SHISA9: variants seen among roughly 807,000 people sequenced by gnomAD.
SHISA9 encodes the protein shisa family member 9.
Under a neutral mutation model 38.0 loss-of-function variants are expected in SHISA9, and 13 were observed. That is an observed-to-expected ratio of 0.34 (90% CI 0.22 to 0.54). The LOEUF is 0.54. SHISA9 is among the 20% of genes least tolerant of loss of function. The pLI, the probability that SHISA9 is intolerant of heterozygous loss-of-function variation, is 0.91. For synonymous variants in SHISA9, 275 were observed against 242.0 expected, an observed-to-expected ratio of 1.14 and a Z score of -1.27; for missense variants, 538 against 575.8, an observed-to-expected ratio of 0.93 and a Z score of 0.67.
At chr16:13,556,520 G>A in the SHISA9 span, among the ~76,000 whole-genome samples, 361 of 152,090 alleles carry the variant, frequency 2.4e-3, no homozygotes, top group Non-Finnish European at 3.7e-3. Context: ...AAAATTAGCC[G>A]GGCAAGGTGG....
At chr16:13,463,588 G>GA in the SHISA9 span, among the ~76,000 whole-genome samples, 1 of 152,130 alleles carries the variant, frequency 6.6e-6, no homozygotes, top group African/African-American at 2.4e-5. Flanking sequence ...CTAAAAGAAG[G>GA]AAAAAATAGC....
At chr16:13,196,087 CAAAAAAAAAA>C (rs1172680715) in intron 2 of SHISA9, among the ~76,000 whole-genome samples, 2 of 14,122 alleles carry the variant, frequency 1.4e-4, no homozygotes, top group Non-Finnish European at 2.3e-4. Context: ...GACTCTCTCT[CAAAAAAAAAA>C]AAAAAAAAAA....
chr16:12,956,525 T>G (rs1322153423), intron 2 of SHISA9, among the ~76,000 whole-genome samples: 1 of 152,212 alleles, frequency 6.6e-6, no homozygotes. Context: ...ATGTATACAC[T>G]GTGGACTGCT....
At chr16:13,248,318 G>A in the SHISA9 span, among the ~76,000 whole-genome samples, 16,403 of 152,144 alleles carry the variant, frequency 0.11, 904 homozygotes, top group Middle Eastern at 0.14. Flanking sequence ...CCATGGTGCC[G>A]GGCCTTGAGG....
intron 2 of SHISA9, among the ~76,000 whole-genome samples, chr16:13,063,381 A>AG (rs1434050383): frequency 1.3e-5 from 2 of 152,142 alleles, no homozygotes; most frequent in African/African-American, 4.8e-5. Context: ...AATGGAAAAA[A>AG]AAAACAAAAT....
chr16:13,030,635 G>C (rs1032396093), intron 2 of SHISA9, among the ~76,000 whole-genome samples: 1 of 152,164 alleles, frequency 6.6e-6, no homozygotes, highest in African/African-American at 2.4e-5. Context: ...ATGTTTTTCT[G>C]CTCTTGACTA....
At chr16:13,485,956 C>T in the SHISA9 span, among the ~76,000 whole-genome samples, 1 of 152,196 alleles carries the variant, frequency 6.6e-6, no homozygotes, top group African/African-American at 2.4e-5. Context: ...CATATTGCTG[C>T]AAATGACAGA....
the SHISA9 span, among the ~76,000 whole-genome samples, chr16:13,540,121 C>T: frequency 1.3e-5 from 2 of 152,036 alleles, no homozygotes; most frequent in African/African-American, 2.4e-5. Flanking sequence ...TACTTTCAGT[C>T]CAGTGCTTAA....
the SHISA9 span, among the ~76,000 whole-genome samples, chr16:13,382,399 A>T: frequency 1.3e-5 from 2 of 151,926 alleles, no homozygotes; most frequent in Non-Finnish European, 2.9e-5. Flanking sequence ...GTGGTGACGC[A>T]TGCCTGTAAT....
chr16:13,459,860 T>G, the SHISA9 span, among the ~76,000 whole-genome samples: 1 of 152,160 alleles, frequency 6.6e-6, no homozygotes, highest in Admixed American at 6.5e-5. Context: ...AAGAAACAAG[T>G]GTGTATGAGT....
the SHISA9 span, among the ~76,000 whole-genome samples, chr16:13,520,235 A>C: frequency 6.6e-6 from 1 of 152,200 alleles, no homozygotes; most frequent in African/African-American, 2.4e-5. Context: ...AACCTTGGTC[A>C]GTGAGCGCAC....
chr16:13,518,039 T>C, the SHISA9 span, among the ~76,000 whole-genome samples: 1 of 152,136 alleles, frequency 6.6e-6, no homozygotes, highest in Non-Finnish European at 1.5e-5. Flanking sequence ...GCCAGTCTGG[T>C]GAATTGCGCT....
In SHISA9 at chr16:13,013,031, T is replaced by C. The variant is rs117844624; in HGVS notation, c.691+96216T>C. Reference sequence around the variant, plus strand: ...GGACCTGCCTCTCCTGCTGCCTGTCTCTCTCTCTCTTCCTTTCTGAAGCTA... The same window carrying C: ...GGACCTGCCTCTCCTGCTGCCTGTCCCTCTCTCTCTTCCTTTCTGAAGCTA... On this transcript the variant is annotated intron_variant, in intron 2 of 4. Coordinates refer to ENST00000558583, the MANE Select transcript of SHISA9 (RefSeq NM_001145204.3). Among the ~76,000 whole-genome samples, 1,000 of 152,212 alleles carry C rather than the reference T, an allele frequency of 6.6e-3. 7 individuals are homozygous for C. Among genetic ancestry groups the C allele is most frequent in the Middle Eastern group, 0.02 (6 of 294 alleles).
chr16:13,534,702 A>G, the SHISA9 span, among the ~76,000 whole-genome samples: 1 of 152,174 alleles, frequency 6.6e-6, no homozygotes, highest in Non-Finnish European at 1.5e-5. Flanking sequence ...CTTCAGGGGA[A>G]ACTCTCCTTC....
At chr16:12,911,489 G>T in intron 1 of SHISA9, 1 of 700,820 alleles carries the variant, frequency 1.4e-6, no homozygotes, top group Non-Finnish European at 1.8e-6. Context: ...CATACGTAAG[G>T]ACAGAAATTT....
chr16:13,298,121 T>C, the SHISA9 span, among the ~76,000 whole-genome samples: 3 of 152,176 alleles, frequency 2.0e-5, no homozygotes, highest in Non-Finnish European at 4.4e-5. Context: ...AATACATTCT[T>C]GTGACCAATT....
the SHISA9 span, among the ~76,000 whole-genome samples, chr16:13,364,427 A>G: frequency 1.3e-5 from 2 of 152,252 alleles, no homozygotes; most frequent in South Asian, 2.1e-4. Context: ...TGCATTCAGC[A>G]TTCACTCAAC....
At chr16:13,478,659 A>G in the SHISA9 span, among the ~76,000 whole-genome samples, 63 of 152,368 alleles carry the variant, frequency 4.1e-4, no homozygotes, top group African/African-American at 1.4e-3. Context: ...AACATATTCC[A>G]TAAACCTTCA....
intron 2 of SHISA9, among the ~76,000 whole-genome samples, chr16:13,060,112 G>A (rs1318666673): frequency 1.3e-5 from 2 of 152,184 alleles, no homozygotes; most frequent in African/African-American, 4.8e-5. Flanking sequence ...ACAGTTAAGT[G>A]CAGGTGGCTC....
Sources: gnomAD v4.1 joint callset for allele counts (sites outside exome capture counted in the v4.1 genomes callset) on GRCh38, gnomAD v4.1.1 for gene constraint, MANE v1.5 for transcripts, NCBI Gene and HGNC (gene_info 2026-07-23, HGNC 2026-07-21) for gene names.